Variants in SLC44A5 observed in about 807,000 individuals in gnomAD.
SLC44A5 encodes the protein choline transporter-like protein 5.
A neutral mutation model predicts 101.8 loss-of-function variants in SLC44A5; 57 were observed. That is an observed-to-expected ratio of 0.56 (90% CI 0.45 to 0.70). The LOEUF (loss-of-function observed/expected upper bound fraction) is 0.70, where lower values mean the gene tolerates loss of function less well. Ranked by LOEUF, SLC44A5 falls within the 30% of genes least tolerant of loss-of-function variation. The pLI is 0.00. For synonymous variants in SLC44A5, 281 were observed against 290.9 expected (o/e 0.97, Z 0.35); for missense variants, 737 against 853.1 (o/e 0.86, Z 1.70).
chr1:75,495,537 A>G (rs1484100172), intron 2 of SLC44A5, among the ~76,000 whole-genome samples: 1 of 152,080 alleles, frequency 6.6e-6, no homozygotes, highest in Non-Finnish European at 1.5e-5. Flanking sequence ...TGAGAATTCC[A>G]GCAAAGAAAC....
chr1:75,518,797 G>C (rs928706586), intron 2 of SLC44A5, among the ~76,000 whole-genome samples: 1 of 152,162 alleles, frequency 6.6e-6, no homozygotes, highest in Non-Finnish European at 1.5e-5. Context: ...GTCCAGACTA[G>C]GAAAATCAAC....
At chr1:75,596,190 T>C (rs1418614401) in intron 1 of SLC44A5, among the ~76,000 whole-genome samples, 1 of 135,102 alleles carries the variant, frequency 7.4e-6, no homozygotes, top group Non-Finnish European at 1.6e-5. Context: ...TAGTTCAACA[T>C]AGTAGACACA....
In SLC44A5 at chr1:75,388,788, A is replaced by C. The variant is rs571052843; in HGVS notation, c.52+7795T>G. ...AGCGAGACTCCGTCTAAAAAAAAAA[A>C]AAACAAACAAAAACTCACATATCAA... On this transcript the variant is annotated intron_variant, in intron 3 of 23. Coordinates refer to ENST00000370859, the MANE Select transcript of SLC44A5 (RefSeq NM_001130058.2). Among the ~76,000 whole-genome samples the C allele has an allele frequency of 5.0e-4, 76 of 152,100 alleles. No homozygotes were observed. The South Asian group carries it at 9.3e-3, about 19-fold the overall frequency.
At chr1:75,517,988 A>G (rs548157245) in intron 2 of SLC44A5, among the ~76,000 whole-genome samples, 1 of 152,326 alleles carries the variant, frequency 6.6e-6, no homozygotes, top group South Asian at 2.1e-4. Context: ...GTTATTAAAC[A>G]AGGAATGCTG....
chr1:75,376,321 G>A (rs1660605019), intron 3 of SLC44A5, among the ~76,000 whole-genome samples: 1 of 152,218 alleles, frequency 6.6e-6, no homozygotes. Context: ...AGCTCCAACT[G>A]GGTGGAGCCC....
At chr1:75,219,121 T>C in intron 16 of SLC44A5, 136 bp downstream of exon 16, 1 of 669,192 alleles carries the variant, frequency 1.5e-6, no homozygotes, top group Non-Finnish European at 2.6e-6. Flanking sequence ...TGATGCACAC[T>C]CCCCACTTCA....
the SLC44A5 span, among the ~76,000 whole-genome samples, chr1:75,616,198 A>T: frequency 6.6e-6 from 1 of 151,158 alleles, no homozygotes; most frequent in African/African-American, 2.4e-5. Context: ...GGGTCCCCTG[A>T]GCGCCCGCCC....
the SLC44A5 span, among the ~76,000 whole-genome samples, chr1:75,672,477 G>A: frequency 6.6e-6 from 1 of 152,016 alleles, no homozygotes; most frequent in Non-Finnish European, 1.5e-5. Flanking sequence ...CACCACCATG[G>A]GCTAAAGTGC....
At chr1:75,429,843 A>C (rs956751206) in intron 2 of SLC44A5, among the ~76,000 whole-genome samples, 1 of 152,200 alleles carries the variant, frequency 6.6e-6, no homozygotes, top group Non-Finnish European at 1.5e-5. Context: ...GCCTCCCATC[A>C]GGCCCCACCA....
At chr1:75,434,610 A>AC (rs1664784830) in intron 2 of SLC44A5, among the ~76,000 whole-genome samples, 1 of 151,642 alleles carries the variant, frequency 6.6e-6, no homozygotes, top group Non-Finnish European at 1.5e-5. Flanking sequence ...TAAAGGGAAA[A>AC]CTCCTTCATG....
At chr1:75,687,858 A>C in the SLC44A5 span, among the ~76,000 whole-genome samples, 1 of 152,166 alleles carries the variant, frequency 6.6e-6, no homozygotes, top group African/African-American at 2.4e-5. Context: ...GAGCTCCCCT[A>C]GCCCACTAGT....
intron 3 of SLC44A5, among the ~76,000 whole-genome samples, chr1:75,372,383 A>C (rs1433704215): frequency 6.6e-6 from 1 of 152,200 alleles, no homozygotes; most frequent in Non-Finnish European, 1.5e-5. Context: ...GGAAAAAATA[A>C]AGAGTAATTA....
chr1:75,516,315 C>A (rs1052134282), intron 2 of SLC44A5, among the ~76,000 whole-genome samples: 1 of 152,002 alleles, frequency 6.6e-6, no homozygotes, highest in Non-Finnish European at 1.5e-5. Flanking sequence ...GAGATAGAGA[C>A]CATCCTGGCT....
intron 3 of SLC44A5, among the ~76,000 whole-genome samples, chr1:75,386,508 T>A: frequency 6.6e-6 from 1 of 152,174 alleles, no homozygotes; most frequent in Middle Eastern, 3.2e-3. Context: ...ACAAGGGATG[T>A]GAAGGACGTC....
intron 20 of SLC44A5, 145 bp downstream of exon 20, chr1:75,214,460 G>A (rs1646921504): frequency 1.6e-6 from 1 of 606,950 alleles, no homozygotes. Context: ...TTAATGGTAT[G>A]AGAGAGAATA....
intron 4 of SLC44A5, among the ~76,000 whole-genome samples, chr1:75,323,358 T>A (rs1656328815): frequency 6.6e-6 from 1 of 152,034 alleles, no homozygotes; most frequent in African/African-American, 2.4e-5. Context: ...ACATTTGGGT[T>A]GGTTCCAAGT....
At chr1:75,361,352 A>G (rs1225478680) in intron 3 of SLC44A5, among the ~76,000 whole-genome samples, 2 of 152,092 alleles carry the variant, frequency 1.3e-5, no homozygotes, top group Non-Finnish European at 2.9e-5. Context: ...TATGTTGAAA[A>G]GAAGTCATAA....
At chr1:75,331,733 C>T (rs769564621) in intron 4 of SLC44A5, among the ~76,000 whole-genome samples, 4 of 152,184 alleles carry the variant, frequency 2.6e-5, no homozygotes, top group Non-Finnish European at 5.9e-5. Context: ...CCGCTCCCAT[C>T]CACCTTGCTG....
chr1:75,281,514 G>T (rs1191836338), intron 5 of SLC44A5, among the ~76,000 whole-genome samples: 1 of 151,650 alleles, frequency 6.6e-6, no homozygotes, highest in Non-Finnish European at 1.5e-5. Flanking sequence ...CAAGCAGCCA[G>T]ATGTTAACCA....
Sources: allele counts gnomAD v4.1 joint callset (sites outside exome capture counted in the v4.1 genomes callset), GRCh38; gene constraint gnomAD v4.1.1; transcripts MANE v1.5; gene names NCBI Gene and HGNC (gene_info 2026-07-23, HGNC 2026-07-21).